The following PPARGC1B variants were observed in gnomAD, a reference collection of about 807,000 sequenced individuals.
The protein encoded by PPARGC1B is peroxisome proliferator-activated receptor gamma coactivator 1-beta.
In PPARGC1B, 34 loss-of-function variants were observed where a neutral mutation model predicts 101.6. That is an observed-to-expected ratio of 0.33 (90% CI 0.25 to 0.45). The LOEUF is 0.45. PPARGC1B is among the 20% of genes least tolerant of loss of function. PPARGC1B has a pLI of 1.00. For missense variants in PPARGC1B, 1,234 were observed against 1,317.6 expected (o/e 0.94, Z 0.98); for synonymous variants, 548 against 539.3 (o/e 1.02, Z -0.22).
chr5:149,778,410 A>G (rs1756474014), intron 1 of PPARGC1B, among the ~76,000 whole-genome samples: 1 of 151,924 alleles, frequency 6.6e-6, no homozygotes, highest in Admixed American at 6.6e-5. Context: ...CTCCAGAGGC[A>G]GGGAGAGGAG....
rs1267849675 is a variant in PPARGC1B at position 149,852,008 on chromosome 5, T to G, written c.*4450T>G. 6.6e-6 allele frequency: 1 copy of G among 152,240 alleles called. No individual in the cohort carries two copies. Among genetic ancestry groups the G allele is most frequent in the Non-Finnish European group, 1.5e-5 (1 of 68,118 alleles). The allele number at this position is 152,240 out of a possible 1,614,324, so 9.4% of individuals were successfully genotyped here. ...TCTTCTAGAGACTGGGACAGGGAGTTTGGGAATGGGGCTGCTGTCAGGTAG... is the reference window on the plus strand; with the variant it reads ...TCTTCTAGAGACTGGGACAGGGAGTGTGGGAATGGGGCTGCTGTCAGGTAG... On this transcript the variant is annotated 3_prime_UTR_variant, in exon 12 of 12. Transcript: ENST00000309241.
At chr5:149,819,444 C>T (rs1231450048) in intron 1 of PPARGC1B, among the ~76,000 whole-genome samples, 1 of 152,018 alleles carries the variant, frequency 6.6e-6, no homozygotes. Flanking sequence ...TTCTTTTCAA[C>T]AGCACTGTAG....
chr5:149,741,682 C>T (rs1333513757), intron 1 of PPARGC1B, among the ~76,000 whole-genome samples: 12 of 149,542 alleles, frequency 8.0e-5, no homozygotes, highest in Non-Finnish European at 1.6e-4. Flanking sequence ...GGCTGGAGTG[C>T]AGTGGCGCGA....
chr5:149,747,449 A>G (rs1008822783), intron 1 of PPARGC1B, among the ~76,000 whole-genome samples: 1 of 152,232 alleles, frequency 6.6e-6, no homozygotes, highest in Non-Finnish European at 1.5e-5. Flanking sequence ...CCTGATGCTC[A>G]GAGGGTGAGT....
chr5:149,770,415 A>C (rs902487163), intron 1 of PPARGC1B, among the ~76,000 whole-genome samples: 6 of 152,224 alleles, frequency 3.9e-5, no homozygotes, highest in African/African-American at 7.2e-5. Context: ...CGCTTCCTCC[A>C]AAAAGTTGAA....
At chr5:149,806,239 G>A (rs1339637674) in intron 1 of PPARGC1B, among the ~76,000 whole-genome samples, 3 of 152,236 alleles carry the variant, frequency 2.0e-5, no homozygotes, top group South Asian at 2.1e-4. Context: ...TCCTGGGTGT[G>A]TGAGTGCTGC....
At chr5:149,813,432 G>A (rs1757935685) in intron 1 of PPARGC1B, among the ~76,000 whole-genome samples, 1 of 152,188 alleles carries the variant, frequency 6.6e-6, no homozygotes, top group Non-Finnish European at 1.5e-5. Context: ...GGCTGGCAGG[G>A]CAAGATCATT....
chr5:149,741,273 G>A (rs978236424), intron 1 of PPARGC1B, among the ~76,000 whole-genome samples: 2 of 152,186 alleles, frequency 1.3e-5, no homozygotes, highest in East Asian at 1.9e-4. Flanking sequence ...CCCACGAGTC[G>A]CTCCCTGATG....
At chr5:149,781,500 G>T (rs1171057983) in intron 1 of PPARGC1B, among the ~76,000 whole-genome samples, 1 of 152,222 alleles carries the variant, frequency 6.6e-6, no homozygotes, top group Non-Finnish European at 1.5e-5. Context: ...GTCCAGATCA[G>T]TTGAGGTGCT....
chr5:149,750,451 AAAATATATATAT>A (rs1162937945), intron 1 of PPARGC1B, among the ~76,000 whole-genome samples: 40 of 69,800 alleles, frequency 5.7e-4, no homozygotes, highest in African/African-American at 1.9e-3. Flanking sequence ...TGTTTTAGTT[AAAATATATATAT>A]ATATATATAT....
intron 1 of PPARGC1B, among the ~76,000 whole-genome samples, chr5:149,755,052 C>CATATATATAT (rs1199839991): frequency 0.019 from 2,058 of 108,828 alleles, 57 homozygotes; most frequent in African/African-American, 0.05. Flanking sequence ...TATACATATA[C>CATATATATAT]ATATATATAT....
At chr5:149,815,083 G>T (rs1482804063) in intron 1 of PPARGC1B, among the ~76,000 whole-genome samples, 3 of 152,230 alleles carry the variant, frequency 2.0e-5, no homozygotes, top group African/African-American at 7.2e-5. Context: ...TCGGAAGCAG[G>T]ATGGTGAATG....
At position 149,836,291 on chromosome 5, in the gene PPARGC1B, C is replaced by T. The variant is rs1479766752; in HGVS notation, c.1836C>T (p.Tyr612=). ...TCACCCCACCCACCACACCACCGTA[C>T]AAGCCCACAGAGGAGGATCCCTTCA... ...AGLTPPTTPP[Y]KPTEEDPFKP... is the part of the protein sequence containing the mutation. Residue 612 remains tyrosine (Y), a synonymous_variant, in exon 8 of 12, where the codon TAC becomes TAT. Coordinates refer to ENST00000309241, the MANE Select transcript of PPARGC1B (RefSeq NM_133263.4). The T allele has an allele frequency of 1.9e-6, 3 of 1,601,676 alleles. No homozygotes were observed. The South Asian group carries it at 3.4e-5, about 18-fold the overall frequency.
chr5:149,761,227 A>G (rs376903617), intron 1 of PPARGC1B, among the ~76,000 whole-genome samples: 1 of 152,122 alleles, frequency 6.6e-6, no homozygotes, highest in Non-Finnish European at 1.5e-5. Context: ...CACCTCACAC[A>G]GTTATCTTTG....
intron 1 of PPARGC1B, among the ~76,000 whole-genome samples, chr5:149,794,600 C>T (rs1757142037): frequency 6.6e-6 from 1 of 151,978 alleles, no homozygotes. Flanking sequence ...GATGTGTTTG[C>T]CTCTAAAGGG....
chr5:149,847,757 G>A lies in PPARGC1B; in HGVS notation c.*199G>A. 2 of 569,504 alleles carry A rather than the reference G, an allele frequency of 3.5e-6. No individual in the cohort carries two copies. Among genetic ancestry groups the A allele is most frequent in the Admixed American group, 6.1e-5 (2 of 32,568 alleles). The allele number at this position is 569,504 out of a possible 1,614,324, so 35.3% of individuals were successfully genotyped here. Reference sequence around the variant, plus strand: ...TGAACAAAGCTGCTTCTGTCTGTGAGTTTCCATGGTGTTGACGTTCCACTG... The same window carrying A: ...TGAACAAAGCTGCTTCTGTCTGTGAATTTCCATGGTGTTGACGTTCCACTG... On this transcript the variant is annotated 3_prime_UTR_variant, in exon 12 of 12. Transcript: ENST00000309241.
Position 149,784,560 on chromosome 5 carries a change from CTTTTTTTTTTT to C in PPARGC1B, c.79-35860_79-35850del, listed in dbSNP as rs72364863. ...AGCCTCACTCCAGCCAACTGAGTTT[CTTTTTTTTTTT>C]TTTTTTTTTTTTCTGAGGTGGAGTC... is the stretch of plus-strand genomic sequence containing the variant. On this transcript the variant is annotated intron_variant, in intron 1 of 11. Coordinates refer to ENST00000309241, the MANE Select transcript of PPARGC1B (RefSeq NM_133263.4). Among the ~76,000 whole-genome samples, 21 of 75,716 alleles carry C rather than the reference CTTTTTTTTTTT, an allele frequency of 2.8e-4. 1 individual carries two copies. Among genetic ancestry groups the C allele is most frequent in the Admixed American group, 2.0e-4 (1 of 4,984 alleles). The allele number at this position is 75,716 out of a possible 152,430, so 49.7% of individuals were successfully genotyped here. A position where few individuals can be genotyped will look rare whatever the true frequency, so the allele number is the denominator to read the frequency against.
chr5:149,763,968 C>T (rs193134029), intron 1 of PPARGC1B, among the ~76,000 whole-genome samples: 27 of 152,254 alleles, frequency 1.8e-4, no homozygotes, highest in African/African-American at 5.5e-4. Context: ...GTGTGAGCCA[C>T]TGGGCCCAGC....
At chr5:149,835,969 T>C (rs1332389421) in intron 7 of PPARGC1B, among the ~76,000 whole-genome samples, 7 of 151,046 alleles carry the variant, frequency 4.6e-5, no homozygotes, top group Admixed American at 4.6e-4. Flanking sequence ...TTTTTTTTTT[T>C]TTTTTTGAGA....
Sources: gnomAD v4.1 joint callset for allele counts (sites outside exome capture counted in the v4.1 genomes callset) on GRCh38, gnomAD v4.1.1 for gene constraint, MANE v1.5 for transcripts, NCBI Gene and HGNC (gene_info 2026-07-23, HGNC 2026-07-21) for gene names.